GALNT17: variants seen among roughly 807,000 people sequenced by gnomAD.
The protein encoded by GALNT17 is UDP-GalNAc:polypeptide N-acetylgalactosaminyltransferase-like 3.
In GALNT17, 29 loss-of-function variants were observed where a neutral mutation model predicts 63.7. The observed-to-expected ratio is 0.46, with a 90% CI of 0.34 to 0.62. The LOEUF is 0.62. Among genes scored for constraint, GALNT17 ranks in the 20% least tolerant of loss-of-function variants. The pLI is 0.01. For synonymous variants in GALNT17, 305 were observed against 318.3 expected (o/e 0.96, Z 0.45); for missense variants, 603 against 799.6 (o/e 0.75, Z 2.97).
At chr7:71,240,456 CTGT>C (rs1332474188) in intron 1 of GALNT17, among the ~76,000 whole-genome samples, 1 of 152,064 alleles carries the variant, frequency 6.6e-6, no homozygotes, top group East Asian at 1.9e-4. Flanking sequence ...TCCCCAGTGT[CTGT>C]TGTTCTCACC....
chr7:71,553,326 CT>C (rs1360460774), intron 5 of GALNT17, among the ~76,000 whole-genome samples: 1 of 150,634 alleles, frequency 6.6e-6, no homozygotes, highest in African/African-American at 2.4e-5. Context: ...GACCTTGTCT[CT>C]TTAAAAAAAA....
At position 71,436,961 on chromosome 7, in the gene GALNT17, C is replaced by G. The variant is rs149154627; in HGVS notation, c.962+15856C>G. On this transcript the variant is annotated intron_variant, in intron 5 of 10. Transcript: ENST00000333538. The stretch of plus-strand genomic sequence containing the variant: ...TATTCTGCTTATCAGTCCAGCTGAG[C>G]ATCTGGGCTCCTCACAGACACCAAG... 1.5e-3 allele frequency among the ~76,000 whole-genome samples: 236 copies of G among 152,258 alleles called. 1 individual carries two copies. The highest frequency in any genetic ancestry group is 5.4e-3 in the African/African-American group (225 of 41,550).
At chr7:71,663,151 C>T (rs648998) in intron 6 of GALNT17, among the ~76,000 whole-genome samples, 150,071 of 152,258 alleles carry the variant, frequency 0.99, 73,976 homozygotes, top group East Asian at 1. Flanking sequence ...TCCCAGTTTG[C>T]TCAAGGTTGT....
chr7:71,148,985 G>A (rs1325376746), intron 1 of GALNT17, among the ~76,000 whole-genome samples: 2 of 151,508 alleles, frequency 1.3e-5, no homozygotes, highest in Non-Finnish European at 2.9e-5. Flanking sequence ...AGGCTGGAGT[G>A]CAGTGGCACC....
At chr7:71,345,732 G>T (rs1261111361) in intron 2 of GALNT17, among the ~76,000 whole-genome samples, 1 of 152,138 alleles carries the variant, frequency 6.6e-6, no homozygotes, top group South Asian at 2.1e-4. Context: ...TCTACTCATG[G>T]CTCAATACCC....
At chr7:71,357,881 T>C (rs925293499) in intron 2 of GALNT17, among the ~76,000 whole-genome samples, 1 of 152,138 alleles carries the variant, frequency 6.6e-6, no homozygotes, top group Non-Finnish European at 1.5e-5. Flanking sequence ...CACCAATCAG[T>C]GCTCTGTAAA....
At chr7:71,415,493 G>A (rs984826336) in intron 3 of GALNT17, among the ~76,000 whole-genome samples, 10 of 152,210 alleles carry the variant, frequency 6.6e-5, no homozygotes, top group African/African-American at 1.4e-4. Context: ...CCCAAGGCAC[G>A]TACTGTAAGA....
At chr7:71,696,576 G>A (rs558630019) in intron 9 of GALNT17, among the ~76,000 whole-genome samples, 1 of 152,138 alleles carries the variant, frequency 6.6e-6, no homozygotes, top group East Asian at 1.9e-4. Context: ...TATTTATCTG[G>A]TTTTTGTTTA....
intron 6 of GALNT17, among the ~76,000 whole-genome samples, chr7:71,589,709 A>G (rs980065645): frequency 6.6e-6 from 1 of 152,182 alleles, no homozygotes; most frequent in Non-Finnish European, 1.5e-5. Flanking sequence ...TATTGAACCT[A>G]TTTTACAGAT....
Position 71,182,771 on chromosome 7 carries a change from C to T in GALNT17, c.238+49731C>T, listed in dbSNP as rs571711894. ...GCAGCTGACAGACTGGGGAGGACTT[C>T]TGGGATTACGTTATGCTCATTTGCT... On this transcript the variant is annotated intron_variant, in intron 1 of 10. Transcript: ENST00000333538. Among the ~76,000 whole-genome samples, 3 of 152,192 alleles carry T rather than the reference C, an allele frequency of 2.0e-5. No homozygotes were observed. In the South Asian group the frequency reaches 6.2e-4, roughly 32 times the overall value.
At chr7:71,643,427 C>T (rs892257042) in intron 6 of GALNT17, among the ~76,000 whole-genome samples, 1 of 152,170 alleles carries the variant, frequency 6.6e-6, no homozygotes, top group Admixed American at 6.5e-5. Context: ...GAGATTGCAC[C>T]ACTACACTCC....
At chr7:71,359,281 G>A (rs962240126) in intron 2 of GALNT17, among the ~76,000 whole-genome samples, 77 of 152,174 alleles carry the variant, frequency 5.1e-4, no homozygotes, top group African/African-American at 1.5e-3. Context: ...GCTTGAGGCT[G>A]TGCCACCTCT....
intron 2 of GALNT17, among the ~76,000 whole-genome samples, chr7:71,360,733 G>C (rs1792382785): frequency 6.6e-6 from 1 of 152,118 alleles, no homozygotes; most frequent in Admixed American, 6.6e-5. Context: ...AGGAGTTCAA[G>C]ACCAGCCTGG....
chr7:71,496,337 G>A (rs10257471), intron 5 of GALNT17, among the ~76,000 whole-genome samples: 9,094 of 152,080 alleles, frequency 0.06, 431 homozygotes, highest in African/African-American at 0.13. Context: ...GTTGGAGACC[G>A]GGCTGTCTTA....
intron 3 of GALNT17, among the ~76,000 whole-genome samples, chr7:71,399,904 T>C (rs1214949664): frequency 6.6e-6 from 1 of 152,200 alleles, no homozygotes; most frequent in African/African-American, 2.4e-5. Context: ...TGTTTATATA[T>C]TTTTTAGAGG....
rs188083385 is a variant in GALNT17, at chr7:71,319,762, G to T, written c.239-15788G>T. 5.5e-4 allele frequency among the ~76,000 whole-genome samples: 84 copies of T among 152,298 alleles called. 1 individual carries two copies. The highest frequency in any genetic ancestry group is 6.8e-3 in the Middle Eastern group (2 of 294). On this transcript the variant is annotated intron_variant, in intron 1 of 10. Coordinates refer to ENST00000333538, the MANE Select transcript of GALNT17 (RefSeq NM_022479.3). ...ATCCTTTGTTGCTCAAGCCGTACATGTATAAGTGAGTTGTTCTTGAATCAT... is the reference window on the plus strand; with the variant it reads ...ATCCTTTGTTGCTCAAGCCGTACATTTATAAGTGAGTTGTTCTTGAATCAT...
chr7:71,222,711 G>C (rs1045936752), intron 1 of GALNT17, among the ~76,000 whole-genome samples: 16 of 152,312 alleles, frequency 1.1e-4, no homozygotes, highest in South Asian at 2.1e-4. Context: ...CATCAGAGAG[G>C]TGATGTGTCC....
At position 71,448,992 on chromosome 7, in the gene GALNT17, C is replaced by T. The variant is rs551526897; in HGVS notation, c.962+27887C>T. ...TTCTTGACTTGGGTGATGGTTTAAA[C>T]GGATGGATTCCATTTGTTAAAGTTG... On this transcript the variant is annotated intron_variant, in intron 5 of 10. Transcript: ENST00000333538. 4.0e-5 allele frequency among the ~76,000 whole-genome samples: 6 copies of T among 151,754 alleles called. 1 individual carries two copies. The South Asian group carries it at 6.3e-4, about 16-fold the overall frequency.
Position 71,670,901 on chromosome 7 carries a change from T to C in GALNT17, c.1404+792T>C, listed in dbSNP as rs674958. On this transcript the variant is annotated intron_variant, in intron 8 of 10. Transcript: ENST00000333538. The stretch of plus-strand genomic sequence containing the variant: ...CGGACTGTGTGTGTGTGTGTGTGTG[T>C]GCGTGTGTGTGTGTGCATGTGTGTG... 6.3e-4 allele frequency among the ~76,000 whole-genome samples: 94 copies of C among 150,246 alleles called. 1 individual carries two copies. The highest frequency in any genetic ancestry group is 3.4e-3 in the Middle Eastern group (1 of 290).
Sources: gnomAD v4.1 joint callset for allele counts (sites outside exome capture counted in the v4.1 genomes callset) on GRCh38, gnomAD v4.1.1 for gene constraint, MANE v1.5 for transcripts, NCBI Gene and HGNC (gene_info 2026-07-23, HGNC 2026-07-21) for gene names.